The following SLC26A7 variants were observed in gnomAD, a reference collection of about 807,000 sequenced individuals.
SLC26A7 encodes the protein anion exchange transporter.
SLC26A7 carries 59 observed loss-of-function variants against 82.5 expected under a neutral mutation model. That is an observed-to-expected ratio of 0.72 (90% CI 0.58 to 0.89). The LOEUF (loss-of-function observed/expected upper bound fraction) is 0.89. Among genes scored for constraint, SLC26A7 ranks in the 40% least tolerant of loss-of-function variants. SLC26A7 has a pLI of 0.00. For missense variants in SLC26A7, 820 were observed against 793.0 expected, an observed-to-expected ratio of 1.03 and a Z score of -0.41; for synonymous variants, 271 against 274.3, an observed-to-expected ratio of 0.99 and a Z score of 0.12.
At chr8:91,317,957 T>TAAAATA (rs1812686146) in intron 4 of SLC26A7, among the ~76,000 whole-genome samples, 2 of 121,090 alleles carry the variant, frequency 1.7e-5, no homozygotes, top group South Asian at 2.6e-4. Flanking sequence ...TATATATATA[T>TAAAATA]AAAATAAAAA....
At chr8:91,388,535 ATAAT>A (rs1370818758) in intron 15 of SLC26A7, among the ~76,000 whole-genome samples, 1 of 152,218 alleles carries the variant, frequency 6.6e-6, no homozygotes, top group Non-Finnish European at 1.5e-5. Flanking sequence ...GAATTTCATA[ATAAT>A]TAATGAATTT....
At chr8:91,356,457 A>G (rs1056524774) in intron 11 of SLC26A7, among the ~76,000 whole-genome samples, 1 of 151,858 alleles carries the variant, frequency 6.6e-6, no homozygotes, top group African/African-American at 2.4e-5. Context: ...TGTGGTTTTG[A>G]TTTGCATTTC....
At chr8:91,324,441 A>G (rs1211918082) in intron 5 of SLC26A7, among the ~76,000 whole-genome samples, 1 of 152,202 alleles carries the variant, frequency 6.6e-6, no homozygotes, top group Admixed American at 6.5e-5. Flanking sequence ...TCATGTTTAA[A>G]GGTTCCAAGG....
intron 1 of SLC26A7, among the ~76,000 whole-genome samples, chr8:91,211,041 ATCAGATTTC>A (rs1809905595): frequency 1.3e-5 from 2 of 152,286 alleles, no homozygotes; most frequent in South Asian, 4.1e-4. Context: ...ATGAACTGAC[ATCAGATTTC>A]TCAGTGACAG....
At chr8:91,315,947 A>C (rs896928492) in intron 4 of SLC26A7, among the ~76,000 whole-genome samples, 3 of 152,222 alleles carry the variant, frequency 2.0e-5, no homozygotes, top group African/African-American at 7.2e-5. Context: ...TTTATAGATG[A>C]TAATGAGGCT....
intron 4 of SLC26A7, among the ~76,000 whole-genome samples, chr8:91,302,290 C>T (rs1812188033): frequency 6.6e-6 from 1 of 151,884 alleles, no homozygotes; most frequent in Admixed American, 6.6e-5. Context: ...AAGGTGTGTT[C>T]ATTACTGTAG....
chr8:91,299,554 A>G (rs980892768), intron 4 of SLC26A7, among the ~76,000 whole-genome samples: 12 of 151,928 alleles, frequency 7.9e-5, no homozygotes, highest in Non-Finnish European at 1.2e-4. Flanking sequence ...TAAAAAGCCC[A>G]TCTTTACCTC....
chr8:91,218,801 C>CT, intron 1 of SLC26A7: 1 of 797,378 alleles, frequency 1.3e-6, no homozygotes, highest in East Asian at 2.8e-5. Context: ...AGTCAATGTT[C>CT]TGAAACCTCT....
At chr8:91,220,453 A>G (rs1810142014) in intron 2 of SLC26A7, among the ~76,000 whole-genome samples, 2 of 150,514 alleles carry the variant, frequency 1.3e-5, no homozygotes, top group African/African-American at 2.4e-5. Flanking sequence ...TACGGGTGCC[A>G]TGGTGGTTTG....
chr8:91,234,819 A>ACCTC (rs1810366161), intron 2 of SLC26A7, among the ~76,000 whole-genome samples: 1 of 104,386 alleles, frequency 9.6e-6, no homozygotes, highest in Non-Finnish European at 1.8e-5. Flanking sequence ...CTACCTACCT[A>ACCTC]CCTACCTACT....
chr8:91,275,444 A>G (rs1329044769), intron 2 of SLC26A7, among the ~76,000 whole-genome samples: 1 of 152,046 alleles, frequency 6.6e-6, no homozygotes, highest in Non-Finnish European at 1.5e-5. Context: ...GACTACAGGC[A>G]TGCATCTTTC....
chr8:91,341,620 G>T (rs1813416910), intron 8 of SLC26A7, among the ~76,000 whole-genome samples: 2 of 152,192 alleles, frequency 1.3e-5, no homozygotes, highest in Non-Finnish European at 2.9e-5. Flanking sequence ...CACTGGTCTA[G>T]GTACAAGTGA....
At chr8:91,327,837 T>G (rs1812974777) in intron 5 of SLC26A7, among the ~76,000 whole-genome samples, 1 of 152,220 alleles carries the variant, frequency 6.6e-6, no homozygotes, top group African/African-American at 2.4e-5. Flanking sequence ...TACTAAAGGG[T>G]TATGTGTTGT....
At position 91,275,282 on chromosome 8, in the gene SLC26A7, A is replaced by G. The variant is rs147534814; in HGVS notation, c.194-13854A>G. Reference sequence around the variant, plus strand: ...TGGGCATGTAGCCAGCACTTTCACAATAACTGGGTAAAAGATTATTTATTT... The same window carrying G: ...TGGGCATGTAGCCAGCACTTTCACAGTAACTGGGTAAAAGATTATTTATTT... On this transcript the variant is annotated intron_variant, in intron 2 of 18. Transcript: ENST00000276609. Among the ~76,000 whole-genome samples the G allele has an allele frequency of 2.3e-3, 353 of 152,246 alleles. 1 individual carries two copies. The highest frequency in any genetic ancestry group is 7.9e-3 in the African/African-American group (330 of 41,558).
intron 2 of SLC26A7, among the ~76,000 whole-genome samples, chr8:91,254,000 G>A (rs1160452777): frequency 6.6e-6 from 1 of 151,976 alleles, no homozygotes; most frequent in African/African-American, 2.4e-5. Context: ...ATGTAATAAA[G>A]ATACTGATAG....
chr8:91,334,232 T>C, intron 5 of SLC26A7, 63 bp from the exon 6 acceptor site: 2 of 1,445,872 alleles, frequency 1.4e-6, no homozygotes, highest in Non-Finnish European at 1.9e-6. Context: ...TGGGGCCATA[T>C]TTTCATGTTG....
At chr8:91,321,835 G>A (rs547945635) in intron 5 of SLC26A7, among the ~76,000 whole-genome samples, 2 of 152,132 alleles carry the variant, frequency 1.3e-5, no homozygotes, top group Admixed American at 1.3e-4. Flanking sequence ...TTTCTCTGAG[G>A]TAACTTTTAG....
intron 4 of SLC26A7, among the ~76,000 whole-genome samples, chr8:91,318,009 A>G (rs1394902972): frequency 6.7e-6 from 1 of 150,244 alleles, no homozygotes; most frequent in African/African-American, 2.4e-5. Flanking sequence ...AAATTAAAAA[A>G]AAAAGAAACC....
chr8:91,227,579 A>T (rs1460739501), intron 2 of SLC26A7, among the ~76,000 whole-genome samples: 1 of 152,234 alleles, frequency 6.6e-6, no homozygotes, highest in Non-Finnish European at 1.5e-5. Context: ...TATTACGAAC[A>T]ACTTTTCACA....
Sources: gnomAD v4.1 joint callset for allele counts (sites outside exome capture counted in the v4.1 genomes callset) on GRCh38, gnomAD v4.1.1 for gene constraint, MANE v1.5 for transcripts, NCBI Gene and HGNC (gene_info 2026-07-23, HGNC 2026-07-21) for gene names.